Variants in LSS observed in about 807,000 individuals in gnomAD.
The protein encoded by LSS is lanosterol synthase, also known as 2,3-epoxysqualene-lanosterol cyclase.
LSS carries 90 observed loss-of-function variants against 110.3 expected under a neutral mutation model. That is an observed-to-expected ratio of 0.82 (90% CI 0.69 to 0.97). LSS has a LOEUF of 0.97. LSS is among the 50% of genes least tolerant of loss of function. The pLI, the probability that LSS is intolerant of heterozygous loss-of-function variation, is 0.00. For missense variants in LSS, 927 were observed against 990.0 expected (o/e 0.94, Z 0.85); for synonymous variants, 433 against 400.0 (o/e 1.08, Z -0.98).
At chr21:46,220,725 T>C (rs544555321) in intron 5 of LSS, among the ~76,000 whole-genome samples, 14 of 151,938 alleles carry the variant, frequency 9.2e-5, no homozygotes, top group Non-Finnish European at 1.6e-4. Flanking sequence ...TCAGGGCCTA[T>C]AGGCAAGAGG....
At chr21:46,228,312 T>C in intron 2 of LSS, 122 bp downstream of exon 2, 1 of 1,188,602 alleles carries the variant, frequency 8.4e-7, no homozygotes, top group Non-Finnish European at 1.2e-6. Flanking sequence ...CCGTGGGCGC[T>C]CGCCTTGGGG....
rs777414371 is a variant in LSS at position 46,215,294 on chromosome 21, G to A, written c.897C>T (p.Leu299=). ...TGTGGTGGTGCTCATACAGGTTGAG[G>A]AGCGCTACAGGGGACAGGGGTCAGT... is the stretch of plus-strand genomic sequence containing the variant. ...HSWLLRVVYA[L]LNLYEHHHSA... is the part of the protein sequence containing the mutation. The change falls in exon 9 of 22, where the codon CTC becomes CTT. Residue 299 remains leucine (L), a synonymous_variant. Coordinates refer to ENST00000397728, the MANE Select transcript of LSS (RefSeq NM_002340.6). 6 of 1,604,520 alleles carry A rather than the reference G, an allele frequency of 3.7e-6. No individual in the cohort carries two copies. The highest frequency in any genetic ancestry group is 1.1e-5 in the South Asian group (1 of 90,584).
At chr21:46,217,728 C>G (rs1327707248) in intron 6 of LSS, among the ~76,000 whole-genome samples, 2 of 152,206 alleles carry the variant, frequency 1.3e-5, no homozygotes, top group South Asian at 4.1e-4. Context: ...GCAGATGAGA[C>G]GCCCTCACCA....
At chr21:46,202,688 A>G (rs2079994791) in intron 17 of LSS, among the ~76,000 whole-genome samples, 1 of 151,934 alleles carries the variant, frequency 6.6e-6, no homozygotes, top group African/African-American at 2.4e-5. Context: ...GTTCAAGACC[A>G]GCCTGAGCAA....
chr21:46,194,370 C>G (rs1005438476), intron 20 of LSS, 121 bp downstream of exon 20: 1,198 of 1,199,462 alleles, frequency 1.0e-3, no homozygotes, highest in Non-Finnish European at 1.3e-3. Context: ...AGAGTGGCAG[C>G]TGACCTGGCC....
intron 17 of LSS, among the ~76,000 whole-genome samples, chr21:46,200,143 T>A (rs957663348): frequency 6.6e-6 from 1 of 152,174 alleles, no homozygotes; most frequent in Non-Finnish European, 1.5e-5. Flanking sequence ...TGTCTAGCTA[T>A]GAGATCAGTA....
chr21:46,188,779 C>T lies in LSS; in HGVS notation c.*2325G>A, dbSNP rs530697328. On this transcript the variant is annotated 3_prime_UTR_variant, in exon 22 of 22. Transcript: ENST00000397728. ...TGAAGTCCTGCCTGTGTAATAACAC[C>T]GAAGAGGGCAGGGAATCGCTGCGTC... The T allele has an allele frequency of 8.1e-5, 38 of 471,248 alleles. No homozygotes were observed. The highest frequency in any genetic ancestry group is 5.0e-4 in the South Asian group (32 of 64,562). The allele number at this position is 471,248 out of a possible 1,614,324, so 29.2% of individuals were successfully genotyped here. A position where few individuals can be genotyped will look rare whatever the true frequency, so the allele number is the denominator to read the frequency against.
chr21:46,194,547 A>G lies in LSS; in HGVS notation c.1932T>C (p.Ser644=). 1.2e-6 allele frequency: 2 copies of G among 1,613,814 alleles called. No individual in the cohort carries two copies. The highest frequency in any genetic ancestry group is 1.7e-6 in the Non-Finnish European group (2 of 1,180,014). The change falls in exon 20 of 22, where the codon AGT becomes AGC. Residue 644 remains serine (S), a synonymous_variant. Transcript: ENST00000397728. The stretch of plus-strand genomic sequence containing the variant: ...ATGTGTTATGGATCTGGGACTGGGC[A>G]CTCTGCAAATAACGCCGCTCCTCGC... The part of the protein sequence containing the change: ...ESCEERRYLQ[S]AQSQIHNTCW...
In LSS at chr21:46,190,236, C is replaced by T. The variant is rs1285647704; in HGVS notation, c.*868G>A. ...CCTCACCCCTGGTTATGCTCGGCCTCCCCTGTGCATTTCTGTGTCCGTAAG... is the reference window on the plus strand; with the variant it reads ...CCTCACCCCTGGTTATGCTCGGCCTTCCCTGTGCATTTCTGTGTCCGTAAG... On this transcript the variant is annotated 3_prime_UTR_variant, in exon 22 of 22. Transcript: ENST00000397728. The surrounding 1 kb of genome is among the most constrained non-coding windows in gnomAD (Gnocchi z 4.6). 1.1e-5 allele frequency: 2 copies of T among 177,342 alleles called. No individual in the cohort carries two copies. Among genetic ancestry groups the T allele is most frequent in the African/African-American group, 2.5e-5 (1 of 40,268 alleles). The allele number at this position is 177,342 out of a possible 1,614,324, so 11.0% of individuals were successfully genotyped here.
rs927309401 is a variant in LSS at position 46,222,758 on chromosome 21, T to G, written c.320-20A>C. 1 of 1,590,496 alleles carries G rather than the reference T, an allele frequency of 6.3e-7. No individual in the cohort carries two copies. Among genetic ancestry groups the G allele is most frequent in the Non-Finnish European group, 8.6e-7 (1 of 1,159,916 alleles). ...GGAGGCCTGTGTGGCAGGAGAGATGTTCCTCACTGGGGACAGGTGGTCATG... is the reference window on the plus strand; with the variant it reads ...GGAGGCCTGTGTGGCAGGAGAGATGGTCCTCACTGGGGACAGGTGGTCATG... On this transcript the variant is annotated intron_variant, in intron 3 of 21. Coordinates refer to ENST00000397728, the MANE Select transcript of LSS (RefSeq NM_002340.6).
Position 46,209,556 on chromosome 21 carries a change from G to GTGAGA in LSS, c.1259_1263dup (p.Gln422SerfsTer42). ...AGAGCCCCAGGCACCGGCCTCACCT[G>GTGAGA]TGAGAGCCTCAGGAACTCATGAGCC... On this transcript the variant is annotated frameshift_variant, in exon 13 of 22. Transcript: ENST00000397728. The surrounding 1 kb of genome is among the most constrained non-coding windows in gnomAD (Gnocchi z 4.4). 1 of 1,604,922 alleles carries GTGAGA rather than the reference G, an allele frequency of 6.2e-7. No homozygotes were observed.
chr21:46,227,732 G>A, intron 2 of LSS, 42 bp from the exon 3 acceptor site: 1 of 1,608,426 alleles, frequency 6.2e-7, no homozygotes, highest in Non-Finnish European at 8.5e-7. Context: ...TAGCTGACGG[G>A]ACTGTTGCCC....
chr21:46,213,627 C>A, intron 10 of LSS, 111 bp downstream of exon 10: 2 of 799,776 alleles, frequency 2.5e-6, no homozygotes, highest in East Asian at 2.7e-5. Flanking sequence ...TGGAGGTATT[C>A]CCTGGCAGTA....
At chr21:46,192,974 G>A (rs756831971) in intron 20 of LSS, 5 of 410,580 alleles carry the variant, frequency 1.2e-5, no homozygotes, top group South Asian at 3.2e-5. Context: ...GGGATACTGC[G>A]GGTGCATCTG....
chr21:46,198,612 C>T (rs1055179813), intron 17 of LSS, among the ~76,000 whole-genome samples: 2 of 151,970 alleles, frequency 1.3e-5, no homozygotes, highest in African/African-American at 2.4e-5. Flanking sequence ...AGAACAGGGG[C>T]GGTAACTGAC....
In LSS at chr21:46,206,736, G is replaced by A. The variant is rs374346417; in HGVS notation, c.1500C>T (p.Phe500=). The part of the protein sequence containing the change: ...LLNMRNPDGG[F]ATYETKRGGH... The stretch of plus-strand genomic sequence containing the variant: ...CCCCACGCTTGGTCTCATAGGTGGC[G>A]AACCCTCCATCTGGATTTCTCATGT... Residue 500 remains phenylalanine (F), a synonymous_variant, in exon 16 of 22, where the codon TTC becomes TTT. Transcript: ENST00000397728. 3.7e-5 allele frequency: 60 copies of A among 1,612,516 alleles called. No homozygotes were observed. Among genetic ancestry groups the A allele is most frequent in the Non-Finnish European group, 4.6e-5 (54 of 1,179,976 alleles).
At chr21:46,227,445 C>A (rs1435141918) in intron 3 of LSS, 107 bp downstream of exon 3, 2 of 1,392,636 alleles carry the variant, frequency 1.4e-6, no homozygotes, top group South Asian at 2.8e-5. Context: ...TTCTTGTGAG[C>A]CCCTGGATTT....
chr21:46,227,470 A>C, intron 3 of LSS, 82 bp downstream of exon 3: 3 of 1,528,780 alleles, frequency 2.0e-6, no homozygotes, highest in Non-Finnish European at 2.7e-6. Flanking sequence ...CTGCTTCATC[A>C]AAACCCTAGA....
At chr21:46,197,977 G>A (rs545866610) in intron 17 of LSS, among the ~76,000 whole-genome samples, 2 of 152,012 alleles carry the variant, frequency 1.3e-5, no homozygotes, top group South Asian at 2.1e-4. Flanking sequence ...AAATACAAAG[G>A]TGTCTTAACA....
Sources: allele counts gnomAD v4.1 joint callset (sites outside exome capture counted in the v4.1 genomes callset), GRCh38; gene constraint gnomAD v4.1.1; non-coding constraint Gnocchi (gnomAD v3.1); transcripts MANE v1.5; gene names NCBI Gene and HGNC (gene_info 2026-07-23, HGNC 2026-07-21).